The following MICAL2 variants were observed in gnomAD, a reference collection of about 807,000 sequenced individuals.
MICAL2 encodes the protein [F-actin]-monooxygenase MICAL2.
In MICAL2, 77 loss-of-function variants were observed where a neutral mutation model predicts 127.3. The observed-to-expected ratio is 0.60, with a 90% confidence interval of 0.50 to 0.73. The LOEUF is 0.73. Among genes scored for constraint, MICAL2 ranks in the 30% least tolerant of loss-of-function variants. MICAL2 has a pLI of 0.00. For missense variants in MICAL2, 1,351 were observed against 1,434.4 expected (o/e 0.94, Z 0.94); for synonymous variants, 570 against 551.1 (o/e 1.03, Z -0.48).
At position 12,162,315 on chromosome 11, in the gene MICAL2, A is replaced by G. The variant is rs766122465; in HGVS notation, c.160A>G (p.Lys54Glu). The G allele has an allele frequency of 5.0e-6, 8 of 1,611,348 alleles. No homozygotes were observed. The highest frequency in any genetic ancestry group is 1.3e-5 in the African/African-American group (1 of 74,878). Residue 54 changes from lysine to glutamate, a missense_variant, in exon 3 of 28, where the codon AAG (lysine) becomes GAG (glutamate). Physicochemically the swap from Lys to Glu is moderately conservative, Grantham distance 56. Around this residue, in one of 2 missense-constraint regions of MICAL2, gnomAD observed 599 missense variants for 714.9 expected, o/e 0.84. Coordinates refer to ENST00000683283, the MANE Select transcript of MICAL2 (RefSeq NM_001282663.2). ...LDHRNFYSKL[K>E]SKVTTWKAKA... ...CCACAGAAACTTTTATTCCAAGCTC[A>G]AGTCCAAGGTGACCACCTGGAAAGC...
At chr11:12,347,015 CTG>C (rs1565311976) in intron 32 of MICAL2, among the ~76,000 whole-genome samples, 2 of 152,194 alleles carry the variant, frequency 1.3e-5, no homozygotes, top group Admixed American at 1.3e-4. Flanking sequence ...GCACTACTCT[CTG>C]TGATGAGATC....
intron 25 of MICAL2, 130 bp from the exon 26 acceptor site, chr11:12,259,665 G>A (rs1035201793): frequency 5.0e-6 from 4 of 804,418 alleles, no homozygotes; most frequent in Non-Finnish European, 7.4e-6. Flanking sequence ...GCATGAGTCG[G>A]GGGGCTGAGA....
chr11:12,257,815 G>A (rs368395467), intron 24 of MICAL2, among the ~76,000 whole-genome samples: 1 of 152,124 alleles, frequency 6.6e-6, no homozygotes, highest in Non-Finnish European at 1.5e-5. Context: ...ATTGTTACCA[G>A]TGCAGCAGTG....
intron 31 of MICAL2, among the ~76,000 whole-genome samples, chr11:12,327,014 A>G (rs895425824): frequency 1.3e-5 from 2 of 152,238 alleles, no homozygotes; most frequent in South Asian, 2.1e-4. Context: ...ACATCAGGGT[A>G]TAGTTGTCTG....
At chr11:12,281,003 C>A in exon 2 of MICAL2, 1 of 399,166 alleles carries the variant, frequency 2.5e-6, no homozygotes, top group Non-Finnish European at 4.4e-6. Context: ...GAAACCCTGG[C>A]GGCCAGGATC....
rs560563353 is a variant in MICAL2 at position 12,251,510 on chromosome 11, C to A, written c.2847+2264C>A. On this transcript the variant is annotated intron_variant, in intron 22 of 27. Transcript: ENST00000683283. The stretch of plus-strand genomic sequence containing the variant: ...CTCTTGGTGATTCTGGAATGCATTT[C>A]ATCAGGTTGGGAAGGGCAGGTAGGA... 2.8e-5 allele frequency among the ~76,000 whole-genome samples: 4 copies of A among 141,176 alleles called. No individual in the cohort carries two copies. In the South Asian group the frequency reaches 9.1e-4, roughly 32 times the overall value. The allele number at this position is 141,176 out of a possible 152,430, so 92.6% of individuals were successfully genotyped here.
intron 1 of MICAL2, among the ~76,000 whole-genome samples, chr11:12,135,414 G>A (rs1851756598): frequency 6.6e-6 from 1 of 152,064 alleles, no homozygotes; most frequent in Non-Finnish European, 1.5e-5. Context: ...AGCTGGAAGT[G>A]AACCCAAGCA....
In MICAL2 at chr11:12,258,464, A is replaced by C; in HGVS notation, c.3143-4A>C. On this transcript the variant is annotated splice_region_variant and splice_polypyrimidine_tract_variant and intron_variant, in intron 24 of 27. Coordinates refer to ENST00000683283, the MANE Select transcript of MICAL2 (RefSeq NM_001282663.2). The stretch of plus-strand genomic sequence containing the variant: ...TTTCTGTATGTGTGTGCCTCTTTTT[A>C]CAGGCAAATTTTACTGCAAGCCTCA... The C allele has an allele frequency of 6.2e-7, 1 of 1,613,746 alleles. No homozygotes were observed. Among genetic ancestry groups the C allele is most frequent in the South Asian group, 1.1e-5 (1 of 91,060 alleles).
intron 2 of MICAL2, among the ~76,000 whole-genome samples, chr11:12,138,848 A>T (rs780201407): frequency 5.3e-5 from 8 of 152,070 alleles, no homozygotes; most frequent in Non-Finnish European, 1.0e-4. Context: ...CAGGGCTTTT[A>T]TGGTCCACAA....
downstream of MICAL2, among the ~76,000 whole-genome samples, chr11:12,296,689 C>G (rs1487286827): frequency 2.0e-5 from 3 of 151,780 alleles, no homozygotes; most frequent in Non-Finnish European, 4.4e-5. Flanking sequence ...CAGGTCCTAT[C>G]CTGGTGATAG....
intron 29 of MICAL2, among the ~76,000 whole-genome samples, chr11:12,301,377 T>C (rs1864044512): frequency 6.6e-6 from 1 of 152,230 alleles, no homozygotes; most frequent in Non-Finnish European, 1.5e-5. Flanking sequence ...TATGACTATA[T>C]CATAATTTAT....
At chr11:12,215,483 G>C (rs948203146) in intron 7 of MICAL2, among the ~76,000 whole-genome samples, 3 of 152,190 alleles carry the variant, frequency 2.0e-5, no homozygotes, top group African/African-American at 7.2e-5. Flanking sequence ...AAAGCACAGC[G>C]TGCTGGCCCT....
At chr11:12,238,677 G>A (rs1859445223) in intron 16 of MICAL2, among the ~76,000 whole-genome samples, 2 of 146,134 alleles carry the variant, frequency 1.4e-5, no homozygotes, top group African/African-American at 4.9e-5. Flanking sequence ...GATATTAGTG[G>A]AAAAACTGAT....
At chr11:12,247,344 A>C (rs890881380) in intron 21 of MICAL2, among the ~76,000 whole-genome samples, 3 of 152,152 alleles carry the variant, frequency 2.0e-5, no homozygotes, top group African/African-American at 7.2e-5. Flanking sequence ...TCTTTTAAAA[A>C]ATTCTTTCTC....
intron 1 of MICAL2, among the ~76,000 whole-genome samples, chr11:12,134,532 C>T (rs904300941): frequency 6.6e-6 from 1 of 152,164 alleles, no homozygotes; most frequent in South Asian, 2.1e-4. Flanking sequence ...TCTGTAGATA[C>T]CTTGCTGTAC....
intron 1 of MICAL2, among the ~76,000 whole-genome samples, chr11:12,127,493 A>G (rs749561041): frequency 2.6e-5 from 4 of 152,214 alleles, no homozygotes; most frequent in Non-Finnish European, 5.9e-5. Context: ...GGTATGGTGG[A>G]GAAAATCAAA....
At position 12,283,406 on chromosome 11, in the gene MICAL2, A is replaced by G. The variant is rs111713204; in HGVS notation, c.254+2307A>G. On this transcript the variant is annotated intron_variant, in intron 2 of 2. Coordinates refer to the MICAL2 transcript ENST00000529028. ...CCATGCTCATAGAAGCATTATTCAC[A>G]TTAGCCAAAAGGGGGAAACAAATCA... is the stretch of plus-strand genomic sequence containing the variant. Among the ~76,000 whole-genome samples, 366 of 152,206 alleles carry G rather than the reference A, an allele frequency of 2.4e-3. 2 individuals are homozygous for G. The highest frequency in any genetic ancestry group is 8.0e-3 in the African/African-American group (334 of 41,522).
chr11:12,261,619 G>A, intron 26 of MICAL2: 2 of 985,460 alleles, frequency 2.0e-6, no homozygotes, highest in Non-Finnish European at 2.4e-6. Flanking sequence ...TTAACTAAGA[G>A]GTGTGCCTGG....
At chr11:12,328,211 A>G (rs1590739453) in intron 32 of MICAL2, among the ~76,000 whole-genome samples, 2 of 152,240 alleles carry the variant, frequency 1.3e-5, no homozygotes, top group East Asian at 3.8e-4. Context: ...AACAATGAGT[A>G]TGATGCAGTT....
Sources: gnomAD v4.1 joint callset for allele counts (sites outside exome capture counted in the v4.1 genomes callset) on GRCh38, gnomAD v4.1.1 for gene constraint, gnomAD v4.1.1 regional missense constraint, MANE v1.5 for transcripts, NCBI Gene and HGNC (gene_info 2026-07-23, HGNC 2026-07-21) for gene names.